Variants in ITGA1 observed in about 807,000 individuals in gnomAD.
ITGA1 encodes integrin subunit alpha 1, also known as integrin alpha-1.
A neutral mutation model predicts 145.9 loss-of-function variants in ITGA1; 85 were observed. The observed-to-expected ratio is 0.58, with a 90% CI of 0.49 to 0.70. The LOEUF (loss-of-function observed/expected upper bound fraction) is 0.70. Among genes scored for constraint, ITGA1 ranks in the 30% least tolerant of loss-of-function variants. The pLI, the probability that ITGA1 is intolerant of heterozygous loss-of-function variation, is 0.00. For missense variants in ITGA1, 1,351 were observed against 1,418.7 expected (o/e 0.95, Z 0.77); for synonymous variants, 520 against 495.3 (o/e 1.05, Z -0.66).
At chr5:52,792,414 G>T (rs762054377) in intron 1 of ITGA1, among the ~76,000 whole-genome samples, 4 of 152,146 alleles carry the variant, frequency 2.6e-5, no homozygotes, top group Non-Finnish European at 4.4e-5. Context: ...GAATTCACGG[G>T]ATTTTTGTTT....
chr5:52,840,731 A>T (rs1252885974), intron 1 of ITGA1, among the ~76,000 whole-genome samples: 7 of 152,212 alleles, frequency 4.6e-5, no homozygotes, highest in Non-Finnish European at 8.8e-5. Context: ...TTAAGAAAGG[A>T]TGTTTGGGAA....
At chr5:52,934,463 A>G (rs1750936663) in intron 23 of ITGA1, among the ~76,000 whole-genome samples, 1 of 151,910 alleles carries the variant, frequency 6.6e-6, no homozygotes, top group South Asian at 2.1e-4. Flanking sequence ...TACTTAACAA[A>G]TAAGTATGTA....
Position 52,865,644 on chromosome 5 carries a change from GA to G in ITGA1, c.497-39del, listed in dbSNP as rs758418446. 7 of 1,408,816 alleles carry G rather than the reference GA, an allele frequency of 5.0e-6. 1 individual carries two copies. In the South Asian group the frequency reaches 5.7e-5, roughly 11 times the overall value. 87.3% of individuals were successfully genotyped at this position (1,408,816 alleles called of 1,614,324 possible). On this transcript the variant is annotated intron_variant, in intron 5 of 28. Coordinates refer to ENST00000282588, the MANE Select transcript of ITGA1 (RefSeq NM_181501.2). ...CCATGAAAGCACTTCATATGCCTCT[GA>G]AAAAAATAGATTCCAAATTTGACAA... is the stretch of plus-strand genomic sequence containing the variant.
At chr5:52,864,949 AT>A in intron 4 of ITGA1, 21 bp from the exon 5 acceptor site, 1 of 1,591,342 alleles carries the variant, frequency 6.3e-7, no homozygotes, top group Admixed American at 1.8e-5. Context: ...ATGATTTCTA[AT>A]TTTAAAACAA....
chr5:52,903,575 C>G (rs576635714), intron 11 of ITGA1: 1 of 152,202 alleles, frequency 6.6e-6, no homozygotes, highest in African/African-American at 2.4e-5. Flanking sequence ...TGTATAAAAA[C>G]TTTTGTTCCT....
Position 52,805,734 on chromosome 5 carries a change from C to G in ITGA1, c.61+17320C>G, listed in dbSNP as rs575125992. Among the ~76,000 whole-genome samples, 4 of 152,058 alleles carry G rather than the reference C, an allele frequency of 2.6e-5. No homozygotes were observed. The East Asian group carries it at 7.8e-4, about 30-fold the overall frequency. ...GGCCAATCAGTTACTGCTAGCGGAC[C>G]CCATGGCCTTGTGCTCCCCATCTTA... On this transcript the variant is annotated intron_variant, in intron 1 of 28. Transcript: ENST00000282588.
At chr5:52,902,753 T>C (rs1250532139) in intron 11 of ITGA1, 1 of 152,124 alleles carries the variant, frequency 6.6e-6, no homozygotes, top group Non-Finnish European at 1.5e-5. Context: ...TTTTATATTT[T>C]TGGTAGAGAC....
chr5:52,934,309 T>A (rs1054382060), intron 23 of ITGA1, among the ~76,000 whole-genome samples: 19 of 151,280 alleles, frequency 1.3e-4, no homozygotes, highest in Admixed American at 2.0e-4. Flanking sequence ...AAAAAAAAAA[T>A]AAACTATGGG....
At position 52,893,801 on chromosome 5, in the gene ITGA1, A is replaced by C. The variant is rs1472809343; in HGVS notation, c.1051A>C (p.Ile351Leu). The C allele has an allele frequency of 5.6e-6, 9 of 1,612,524 alleles. No individual in the cohort carries two copies. The highest frequency in any genetic ancestry group is 1.7e-5 in the Admixed American group (1 of 59,958). Residue 351 changes from isoleucine (I) to leucine (L), a missense_variant, in exon 9 of 29, where the codon ATT (isoleucine) becomes CTT (leucine). Transcript: ENST00000282588. The part of the protein sequence containing the change: ...NVSDELALVT[I>L]VKTLGERIFA... The stretch of plus-strand genomic sequence containing the variant: ...CTCTGATGAATTGGCTCTAGTCACC[A>C]TTGTTAAAACTCTGGGAGAAAGAAT...
At chr5:52,825,613 A>G (rs1228852667) in intron 1 of ITGA1, among the ~76,000 whole-genome samples, 2 of 151,964 alleles carry the variant, frequency 1.3e-5, no homozygotes, top group Non-Finnish European at 2.9e-5. Flanking sequence ...CTGAGGCACA[A>G]AAGTATTGAA....
chr5:52,945,687 C>T (rs923428969), intron 27 of ITGA1, among the ~76,000 whole-genome samples: 1 of 152,154 alleles, frequency 6.6e-6, no homozygotes, highest in Non-Finnish European at 1.5e-5. Flanking sequence ...ATGATCTCCC[C>T]CCTTCTCATG....
intron 14 of ITGA1, among the ~76,000 whole-genome samples, chr5:52,912,360 A>G (rs866146821): frequency 1.4e-5 from 2 of 145,634 alleles, no homozygotes; most frequent in Non-Finnish European, 3.0e-5. Context: ...TATTATATAT[A>G]GTGTATCCAG....
intron 1 of ITGA1, among the ~76,000 whole-genome samples, chr5:52,790,168 G>A (rs905396436): frequency 2.0e-5 from 3 of 152,100 alleles, no homozygotes; most frequent in African/African-American, 2.4e-5. Flanking sequence ...CACTACTGTA[G>A]AGCTTATCTT....
At chr5:52,832,364 CAGAGTCACTTAAAA>C (rs1019281987) in intron 1 of ITGA1, among the ~76,000 whole-genome samples, 3 of 152,156 alleles carry the variant, frequency 2.0e-5, no homozygotes, top group Non-Finnish European at 4.4e-5. Context: ...GCCTGGGTGG[CAGAGTCACTTAAAA>C]ACATTGCAGC....
rs370138556 is a variant in ITGA1 at position 52,893,829 on chromosome 5, T to G, written c.1079T>G (p.Phe360Cys). ...TIVKTLGERI[F>C]ALEATADQSA... ...GTTAAAACTCTGGGAGAAAGAATAT[T>G]TGCCCTGGAAGGTATGTCTATTTAT... The change falls in exon 9 of 29, where the codon TTT becomes TGT. Residue 360 changes from phenylalanine to cysteine, a missense_variant. Transcript: ENST00000282588. 1.2e-6 allele frequency: 2 copies of G among 1,610,614 alleles called. No homozygotes were observed. The highest frequency in any genetic ancestry group is 2.7e-5 in the African/African-American group (2 of 74,788).
At chr5:52,794,663 C>A (rs1748305594) in intron 1 of ITGA1, among the ~76,000 whole-genome samples, 1 of 149,562 alleles carries the variant, frequency 6.7e-6, no homozygotes, top group African/African-American at 2.5e-5. Context: ...AAAAAAAAAA[C>A]AAATAAAACA....
intron 1 of ITGA1, among the ~76,000 whole-genome samples, chr5:52,849,062 G>A (rs1301551566): frequency 6.6e-6 from 1 of 152,168 alleles, no homozygotes; most frequent in African/African-American, 2.4e-5. Context: ...CTTTATAGCA[G>A]CATGATTTAT....
In ITGA1 at chr5:52,788,380, AG is replaced by A; in HGVS notation, c.31del (p.Val11SerfsTer23). The A allele has an allele frequency of 6.6e-7, 1 of 1,512,596 alleles. No individual in the cohort carries two copies. The allele number at this position is 1,512,596 out of a possible 1,614,324, so 93.7% of individuals were successfully genotyped here. A position where few individuals can be genotyped will look rare whatever the true frequency, so the allele number is the denominator to read the frequency against. On this transcript the variant is annotated frameshift_variant, in exon 1 of 29. Coordinates refer to ENST00000282588, the MANE Select transcript of ITGA1 (RefSeq NM_181501.2). LOFTEE classifies it high-confidence loss of function. MAPRPRARP[G>X]VAVACCWLLT... ...TGGCCCCTCGGCCCCGCGCCCGCCC[AG>A]GGGTCGCTGTCGCCTGCTGCTGGCT... is the stretch of plus-strand genomic sequence containing the variant.
At chr5:52,925,170 T>TG in intron 18 of ITGA1, 108 bp from the exon 19 acceptor site, 1 of 743,706 alleles carries the variant, frequency 1.3e-6, no homozygotes, top group Admixed American at 2.2e-5. Context: ...TCCTTATGAG[T>TG]TGCTTAACTT....
Sources: allele counts gnomAD v4.1 joint callset (sites outside exome capture counted in the v4.1 genomes callset), GRCh38; gene constraint gnomAD v4.1.1; transcripts MANE v1.5; gene names NCBI Gene and HGNC (gene_info 2026-07-23, HGNC 2026-07-21).